Variants in PRMT8 observed in about 807,000 individuals in gnomAD.
PRMT8 encodes the protein protein arginine methyltransferase 8.
PRMT8 carries 7 observed loss-of-function variants against 47.1 expected under a neutral mutation model. That is an observed-to-expected ratio of 0.15 (90% CI 0.08 to 0.28). The LOEUF (loss-of-function observed/expected upper bound fraction) is 0.28. Ranked by LOEUF, PRMT8 falls within the 10% of genes least tolerant of loss-of-function variation. PRMT8 has a pLI of 1.00. For missense variants in PRMT8, 237 were observed against 505.4 expected, an observed-to-expected ratio of 0.47 and a Z score of 5.09; for synonymous variants, 188 against 186.5, an observed-to-expected ratio of 1.01 and a Z score of -0.07.
intron 1 of PRMT8, among the ~76,000 whole-genome samples, chr12:3,485,885 C>G (rs1165059008): frequency 2.0e-5 from 3 of 151,934 alleles, no homozygotes; most frequent in African/African-American, 7.3e-5. Context: ...AATAAAATCC[C>G]CTGAGAAGAA....
At chr12:3,577,076 C>A in intron 7 of PRMT8, 90 bp downstream of exon 7, 1 of 1,106,688 alleles carries the variant, frequency 9.0e-7, no homozygotes, top group Non-Finnish European at 1.4e-6. Context: ...CCTGCACAGC[C>A]CCCACCTGGT....
intron 1 of PRMT8, among the ~76,000 whole-genome samples, chr12:3,414,358 C>G (rs1011560626): frequency 7.2e-5 from 11 of 152,226 alleles, no homozygotes; most frequent in African/African-American, 2.4e-4. Flanking sequence ...CCAGAAGGGA[C>G]ACCTGCTGGT....
chr12:3,583,150 G>C lies in PRMT8; in HGVS notation c.921G>C (p.Leu307=), dbSNP rs1372233940. The C allele has an allele frequency of 6.2e-7, 1 of 1,614,012 alleles. No individual in the cohort carries two copies. The highest frequency in any genetic ancestry group is 1.7e-5 in the Admixed American group (1 of 60,008). The stretch of plus-strand genomic sequence containing the variant: ...AGCGCAACGACTACGTCCACGCCCT[G>C]GTCACCTATTTTAATATTGAATTTA... The part of the protein sequence containing the change: ...QIQRNDYVHA[L]VTYFNIEFTK... Residue 307 remains leucine, a synonymous_variant, in exon 8 of 10, where the codon CTG becomes CTC. Transcript: ENST00000382622. This position sits in a 1 kb window ranked among gnomAD's most constrained non-coding sequence, Gnocchi z 4.7.
intron 1 of PRMT8, among the ~76,000 whole-genome samples, chr12:3,451,106 C>T (rs1358396350): frequency 8.9e-5 from 12 of 135,448 alleles, no homozygotes; most frequent in African/African-American, 1.1e-4. Flanking sequence ...TGCTGGTCTA[C>T]GCCAATGTTG....
intron 4 of PRMT8, among the ~76,000 whole-genome samples, chr12:3,563,620 C>T (rs539700753): frequency 6.6e-6 from 1 of 152,214 alleles, no homozygotes; most frequent in Non-Finnish European, 1.5e-5. Flanking sequence ...CAAGCAGTTG[C>T]TCCATGTCCA....
At chr12:3,579,362 G>A (rs1300763406) in intron 7 of PRMT8, among the ~76,000 whole-genome samples, 9 of 152,106 alleles carry the variant, frequency 5.9e-5, no homozygotes, top group Non-Finnish European at 1.3e-4. Context: ...GTCAGCCACT[G>A]TCCTGGCCCT....
rs1025425533 is a variant in PRMT8, at chr12:3,570,184, C to T, written c.712+620C>T. Reference sequence around the variant, plus strand: ...TATTCTTAATGCCTTATCAGCTAGGCGTGTGTGGTTCTCTGAGAACAATAA... The same window carrying T: ...TATTCTTAATGCCTTATCAGCTAGGTGTGTGTGGTTCTCTGAGAACAATAA... On this transcript the variant is annotated intron_variant, in intron 6 of 9. Coordinates refer to ENST00000382622, the MANE Select transcript of PRMT8 (RefSeq NM_019854.5). The surrounding 1 kb of genome is among the most constrained non-coding windows in gnomAD (Gnocchi z 5.5). Among the ~76,000 whole-genome samples the T allele has an allele frequency of 9.9e-5, 15 of 152,014 alleles. No homozygotes were observed. Among genetic ancestry groups the T allele is most frequent in the African/African-American group, 2.7e-4 (11 of 41,380 alleles).
chr12:3,497,014 A>G (rs1018718786), intron 1 of PRMT8, among the ~76,000 whole-genome samples: 2 of 151,646 alleles, frequency 1.3e-5, no homozygotes, highest in South Asian at 2.1e-4. Context: ...CCTGTCTCCA[A>G]TTCAGGAGTG....
chr12:3,593,446 C>T lies in PRMT8; in HGVS notation c.*264C>T, dbSNP rs1376385410. ...GCGACCTGGCGTGCTGTGGCTGGGC[C>T]CCGAGGGTGGAAACGTATTCGCGTC... is the stretch of plus-strand genomic sequence containing the variant. On this transcript the variant is annotated 3_prime_UTR_variant, in exon 10 of 10. Coordinates refer to ENST00000382622, the MANE Select transcript of PRMT8 (RefSeq NM_019854.5). This position sits in a 1 kb window ranked among gnomAD's most constrained non-coding sequence, Gnocchi z 4.8. The T allele has an allele frequency of 2.1e-6, 1 of 468,562 alleles. No homozygotes were observed. The highest frequency in any genetic ancestry group is 3.8e-6 in the Non-Finnish European group (1 of 264,146). 29.0% of individuals were successfully genotyped at this position (468,562 alleles called of 1,614,324 possible).
chr12:3,430,983 TG>T (rs1475955010), intron 1 of PRMT8, among the ~76,000 whole-genome samples: 1 of 152,020 alleles, frequency 6.6e-6, no homozygotes, highest in Non-Finnish European at 1.5e-5. Context: ...GCCAGGCAGG[TG>T]TGCTGGAGGT....
intron 4 of PRMT8, among the ~76,000 whole-genome samples, chr12:3,556,847 T>C (rs1866536409): frequency 6.6e-6 from 1 of 151,614 alleles, no homozygotes; most frequent in Non-Finnish European, 1.5e-5. Flanking sequence ...GGTCTTTGCC[T>C]TGCACAGGTG....
At chr12:3,548,031 C>T (rs182885650) in intron 2 of PRMT8, among the ~76,000 whole-genome samples, 48 of 152,322 alleles carry the variant, frequency 3.2e-4, no homozygotes, top group Admixed American at 2.7e-3. Context: ...GCAGTCAAGT[C>T]AGTGTTGACT....
At chr12:3,532,758 A>C (rs1475104820) in intron 1 of PRMT8, among the ~76,000 whole-genome samples, 1 of 152,036 alleles carries the variant, frequency 6.6e-6, no homozygotes, top group Non-Finnish European at 1.5e-5. Flanking sequence ...TGGTTTTCAA[A>C]CTTTATGGTG....
At chr12:3,537,739 G>C (rs1866143565) in intron 1 of PRMT8, among the ~76,000 whole-genome samples, 1 of 152,060 alleles carries the variant, frequency 6.6e-6, no homozygotes, top group Non-Finnish European at 1.5e-5. Flanking sequence ...TTTGTCAGTT[G>C]CCAAAGCCTG....
intron 1 of PRMT8, among the ~76,000 whole-genome samples, chr12:3,505,941 A>G (rs1865617787): frequency 6.6e-6 from 1 of 152,220 alleles, no homozygotes; most frequent in Non-Finnish European, 1.5e-5. Flanking sequence ...CAGAGGAATT[A>G]CTTTAGTGGT....
At chr12:3,471,423 A>G (rs76896716) in intron 1 of PRMT8, among the ~76,000 whole-genome samples, 12,485 of 152,008 alleles carry the variant, frequency 0.082, 548 homozygotes, top group Non-Finnish European at 0.1. Context: ...CTGGAAATCA[A>G]AAGGCCACCA....
Position 3,570,679 on chromosome 12 carries a change from A to C in PRMT8, c.712+1115A>C, listed in dbSNP as rs1430732178. On this transcript the variant is annotated intron_variant, in intron 6 of 9. Transcript: ENST00000382622. The surrounding 1 kb of genome is among the most constrained non-coding windows in gnomAD (Gnocchi z 5.5). Reference sequence around the variant, plus strand: ...GTGGCACTGATGAAAACTCGGCTGGACTCTGCTATGGATGTGTGTATTTGT... The same window carrying C: ...GTGGCACTGATGAAAACTCGGCTGGCCTCTGCTATGGATGTGTGTATTTGT... Among the ~76,000 whole-genome samples, 5 of 152,138 alleles carry C rather than the reference A, an allele frequency of 3.3e-5. No homozygotes were observed. The highest frequency in any genetic ancestry group is 7.3e-5 in the Non-Finnish European group (5 of 68,028).
chr12:3,431,686 T>C (rs1446311730), intron 1 of PRMT8, among the ~76,000 whole-genome samples: 1 of 152,156 alleles, frequency 6.6e-6, no homozygotes. Flanking sequence ...AAATGTTACA[T>C]ATCAAAGGAG....
chr12:3,397,892 G>T (rs1267149017), intron 1 of PRMT8, among the ~76,000 whole-genome samples: 9 of 152,212 alleles, frequency 5.9e-5, no homozygotes, highest in African/African-American at 9.6e-5. Context: ...CTCCGAGCCA[G>T]GTGTGGGATG....
Sources: gnomAD v4.1 joint callset for allele counts (sites outside exome capture counted in the v4.1 genomes callset) on GRCh38, gnomAD v4.1.1 for gene constraint, Gnocchi (gnomAD v3.1) non-coding constraint, MANE v1.5 for transcripts, NCBI Gene and HGNC (gene_info 2026-07-23, HGNC 2026-07-21) for gene names.